Variants in EIF4G3 observed in about 807,000 individuals in gnomAD.
The protein encoded by EIF4G3 is eukaryotic translation initiation factor 4 gamma 3.
A neutral mutation model predicts 186.4 loss-of-function variants in EIF4G3; 34 were observed. That is an observed-to-expected ratio of 0.18 (90% CI 0.14 to 0.24). The LOEUF is 0.24. Ranked by LOEUF, EIF4G3 falls within the 10% of genes least tolerant of loss-of-function variation. The pLI, the probability that EIF4G3 is intolerant of heterozygous loss-of-function variation, is 1.00. For missense variants in EIF4G3, 1,536 were observed against 1,948.5 expected, an observed-to-expected ratio of 0.79 and a Z score of 3.99; for synonymous variants, 673 against 679.5, an observed-to-expected ratio of 0.99 and a Z score of 0.15.
At chr1:20,960,256 C>T (rs908317467) in intron 12 of EIF4G3, among the ~76,000 whole-genome samples, 3 of 152,012 alleles carry the variant, frequency 2.0e-5, no homozygotes, top group African/African-American at 7.2e-5. Flanking sequence ...CAACTGAGGT[C>T]AGGAGTTCAA....
chr1:20,866,980 C>T (rs1253523354), intron 20 of EIF4G3, among the ~76,000 whole-genome samples: 1 of 152,124 alleles, frequency 6.6e-6, no homozygotes, highest in Non-Finnish European at 1.5e-5. Context: ...TACAGATTTA[C>T]TGTGTAGAAA....
chr1:20,863,572 G>A (rs1251700456), intron 22 of EIF4G3, among the ~76,000 whole-genome samples: 1 of 151,120 alleles, frequency 6.6e-6, no homozygotes, highest in Non-Finnish European at 1.5e-5. Context: ...AGCCTCCCAA[G>A]TAGCTGGGAT....
chr1:20,828,035 T>G (rs951001821), intron 31 of EIF4G3, among the ~76,000 whole-genome samples: 5 of 148,418 alleles, frequency 3.4e-5, no homozygotes, highest in Non-Finnish European at 4.5e-5. Flanking sequence ...TAAAGTTTTT[T>G]TTTTTTTTTT....
intron 18 of EIF4G3, among the ~76,000 whole-genome samples, chr1:20,887,147 C>G (rs975456711): frequency 4.6e-5 from 7 of 152,072 alleles, no homozygotes; most frequent in Admixed American, 4.6e-4. Flanking sequence ...TCAAGCAGAC[C>G]TGCTGCATGT....
In EIF4G3 at chr1:20,851,436, T is replaced by C; in HGVS notation, c.3594A>G (p.Pro1198=). 5.6e-6 allele frequency: 9 copies of C among 1,614,184 alleles called. No homozygotes were observed. Among genetic ancestry groups the C allele is most frequent in the African/African-American group, 1.3e-5 (1 of 75,046 alleles). Residue 1198 remains proline (P), a synonymous_variant, in exon 28 of 37, where the codon CCA becomes CCG. Transcript: ENST00000602326. Reference sequence around the variant, plus strand: ...AAGTATTTGGCCGAGCTGTTGCAGATGGAAGGGGCTTGTCATTCTTCTCCC... The same window carrying C: ...AAGTATTTGGCCGAGCTGTTGCAGACGGAAGGGGCTTGTCATTCTTCTCCC... ...MGREKNDKPL[P]SATARPNTFM... is the part of the protein sequence containing the mutation.
chr1:20,888,112 C>T (rs1041577179), intron 18 of EIF4G3, among the ~76,000 whole-genome samples: 8 of 152,090 alleles, frequency 5.3e-5, no homozygotes, highest in African/African-American at 1.9e-4. Flanking sequence ...ATTACCAAAA[C>T]CTACTGCAAA....
At chr1:21,037,811 C>A (rs1455942134) in intron 4 of EIF4G3, among the ~76,000 whole-genome samples, 2 of 152,118 alleles carry the variant, frequency 1.3e-5, no homozygotes, top group Non-Finnish European at 2.9e-5. Flanking sequence ...ATCATTTGGG[C>A]AATATGTATC....
intron 3 of EIF4G3, among the ~76,000 whole-genome samples, chr1:21,083,850 C>A (rs1371065491): frequency 6.6e-6 from 1 of 152,106 alleles, no homozygotes. Flanking sequence ...TTTTATAACT[C>A]AGGTTTTTTC....
intron 4 of EIF4G3, 21 bp from the exon 5 acceptor site, chr1:21,002,829 C>A: frequency 5.6e-6 from 8 of 1,419,556 alleles, no homozygotes; most frequent in Middle Eastern, 1.8e-4. Flanking sequence ...ATGGCAAGAA[C>A]AATATAATAT....
chr1:21,024,414 G>A (rs1365130143), intron 4 of EIF4G3, among the ~76,000 whole-genome samples: 2 of 152,248 alleles, frequency 1.3e-5, no homozygotes, highest in Admixed American at 1.3e-4. Flanking sequence ...TTGAGAATGG[G>A]CCAGGATGAC....
chr1:21,051,097 C>G, intron 3 of EIF4G3, 103 bp from the exon 4 acceptor site: 1 of 668,730 alleles, frequency 1.5e-6, no homozygotes, highest in Non-Finnish European at 2.7e-6. Flanking sequence ...TACCTCACAA[C>G]TTACACTAAA....
chr1:20,901,351 A>G (rs1338544000), intron 15 of EIF4G3, among the ~76,000 whole-genome samples: 1 of 152,162 alleles, frequency 6.6e-6, no homozygotes, highest in Non-Finnish European at 1.5e-5. Flanking sequence ...TTATAATACC[A>G]TCTCATAATT....
intron 31 of EIF4G3, among the ~76,000 whole-genome samples, chr1:20,828,064 C>T (rs1187072834): frequency 1.5e-5 from 2 of 135,512 alleles, no homozygotes; most frequent in Admixed American, 7.8e-5. Flanking sequence ...GACAGAGTCT[C>T]ACTCTGTCGC....
intron 2 of EIF4G3, among the ~76,000 whole-genome samples, chr1:21,141,454 A>G (rs2097336875): frequency 6.7e-6 from 1 of 150,090 alleles, no homozygotes; most frequent in Non-Finnish European, 1.5e-5. Flanking sequence ...TTTCAAAAGA[A>G]CTTTTGTATT....
At chr1:21,005,004 T>A (rs1346662118) in intron 4 of EIF4G3, among the ~76,000 whole-genome samples, 1 of 152,100 alleles carries the variant, frequency 6.6e-6, no homozygotes, top group Non-Finnish European at 1.5e-5. Flanking sequence ...CTCATGTCTA[T>A]CAAATAATTA....
chr1:20,878,379 T>A (rs974687910), intron 20 of EIF4G3, among the ~76,000 whole-genome samples: 1 of 152,334 alleles, frequency 6.6e-6, no homozygotes, highest in African/African-American at 2.4e-5. Context: ...CCAACTTATT[T>A]TTCGGTCTAA....
intron 4 of EIF4G3, among the ~76,000 whole-genome samples, chr1:21,005,234 T>A (rs190245562): frequency 2.0e-5 from 3 of 152,282 alleles, no homozygotes; most frequent in Admixed American, 2.0e-4. Flanking sequence ...TTTGAGAATC[T>A]GAATATAGTT....
intron 2 of EIF4G3, among the ~76,000 whole-genome samples, chr1:21,154,779 A>C (rs1173539361): frequency 2.0e-5 from 3 of 152,202 alleles, no homozygotes; most frequent in Non-Finnish European, 4.4e-5. Flanking sequence ...GTATCTCTCC[A>C]TCTATATATC....
chr1:20,973,050 T>C lies in EIF4G3; in HGVS notation c.543A>G (p.Ile181Met). Residue 181 changes from isoleucine (I) to methionine (M), a missense_variant, in exon 11 of 37, where the codon ATA (isoleucine) becomes ATG (methionine). By Grantham distance (10) the Ile-to-Met change is conservative (BLOSUM62 1). Transcript: ENST00000602326. Reference protein sequence around the residue: ...SQPVYQSAPIIVPTQQQPPPA... With the variant: ...SQPVYQSAPIMVPTQQQPPPA... ...GAGGCGGCTGTTGCTGCGTAGGCAC[T>C]ATGATAGGTGCTGACTGATACACCG... 1 of 1,611,044 alleles carries C rather than the reference T, an allele frequency of 6.2e-7. No homozygotes were observed. The highest frequency in any genetic ancestry group is 8.5e-7 in the Non-Finnish European group (1 of 1,179,280).
Sources: gnomAD v4.1 joint callset for allele counts (sites outside exome capture counted in the v4.1 genomes callset) on GRCh38, gnomAD v4.1.1 for gene constraint, MANE v1.5 for transcripts, NCBI Gene and HGNC (gene_info 2026-07-23, HGNC 2026-07-21) for gene names.